Variants in DAPK1 observed in about 807,000 individuals in gnomAD.
The protein encoded by DAPK1 is death associated protein kinase 1.
In DAPK1, 56 loss-of-function variants were observed where a neutral mutation model predicts 144.9. The observed-to-expected ratio is 0.39, with a 90% CI of 0.31 to 0.48. The LOEUF (loss-of-function observed/expected upper bound fraction) is 0.48, where lower values mean the gene tolerates loss of function less well. Among genes scored for constraint, DAPK1 ranks in the 20% least tolerant of loss-of-function variants. DAPK1 has a pLI of 0.95. For synonymous variants in DAPK1, 690 were observed against 749.0 expected (o/e 0.92, Z 1.29); for missense variants, 1,454 against 1,875.4 (o/e 0.78, Z 4.15).
At chr9:87,627,881 A>G (rs1829543088) in intron 3 of DAPK1, among the ~76,000 whole-genome samples, 1 of 152,208 alleles carries the variant, frequency 6.6e-6, no homozygotes, top group Admixed American at 6.5e-5. Context: ...CACCGTTGCC[A>G]TGTGCCAGAT....
chr9:87,686,629 G>A lies in DAPK1; in HGVS notation c.2303G>A (p.Gly768Asp), dbSNP rs773960447. The change falls in exon 21 of 26, where the codon GGT becomes GAT. Residue 768 changes from glycine to aspartate, a missense_variant. This residue lies in a region of DAPK1 where 1,025 missense variants were observed against 1,237.9 expected (regional missense o/e 0.83). Transcript: ENST00000408954. The surrounding 1 kb of genome is among the most constrained non-coding windows in gnomAD (Gnocchi z 4.2). ...AGCCGCAGCATGATGTTCGAGCCGG[G>A]TCTTACCAAAGGGATGCTGGAGGTG... The part of the protein sequence containing the change: ...VRSRSMMFEP[G>D]LTKGMLEVFV... 6.2e-7 allele frequency: 1 copy of A among 1,611,410 alleles called. No homozygotes were observed. The highest frequency in any genetic ancestry group is 1.7e-5 in the Admixed American group (1 of 59,864).
Position 87,657,959 on chromosome 9 carries a change from T to C in DAPK1, c.1825-70T>C, listed in dbSNP as rs1032328554. 6.9e-6 allele frequency: 5 copies of C among 726,192 alleles called. No homozygotes were observed. In the African/African-American group the frequency reaches 8.7e-5, roughly 13 times the overall value. The allele number at this position is 726,192 out of a possible 1,614,324, so 45.0% of individuals were successfully genotyped here. On this transcript the variant is annotated intron_variant, in intron 17 of 25. Transcript: ENST00000408954. ...GGCCCTGACCCCTTCCTTAACCTTG[T>C]GTCTCCGGAATGTCATCCTCAGCAA...
In DAPK1 at chr9:87,523,770, A is replaced by G. The variant is rs80291829; in HGVS notation, c.62+24631A>G. Among the ~76,000 whole-genome samples, 1,023 of 152,250 alleles carry G rather than the reference A, an allele frequency of 6.7e-3. 14 individuals are homozygous for G. Among genetic ancestry groups the G allele is most frequent in the African/African-American group, 0.023 (973 of 41,532 alleles). On this transcript the variant is annotated intron_variant, in intron 2 of 25. Coordinates refer to ENST00000408954, the MANE Select transcript of DAPK1 (RefSeq NM_004938.4). The stretch of plus-strand genomic sequence containing the variant: ...CCCCTCAGTTACCATTTGCTCATCA[A>G]AACATGGTTTGAGGGCTGGCTGGAT...
chr9:87,532,961 A>G, intron 2 of DAPK1, among the ~76,000 whole-genome samples: 1 of 152,184 alleles, frequency 6.6e-6, no homozygotes, highest in East Asian at 1.9e-4. Flanking sequence ...TTTCAACAAT[A>G]GGTTACTTTT....
chr9:87,554,273 T>A (rs1826616841), intron 2 of DAPK1: 1 of 152,234 alleles, frequency 6.6e-6, no homozygotes, highest in East Asian at 1.9e-4. Flanking sequence ...CCAGAGGAAG[T>A]TATTTCTTGA....
At chr9:87,500,502 T>A (rs1273294464) in intron 2 of DAPK1, among the ~76,000 whole-genome samples, 1 of 152,174 alleles carries the variant, frequency 6.6e-6, no homozygotes, top group African/African-American at 2.4e-5. Context: ...AGCAAAAAAA[T>A]AAATTTTAAT....
At position 87,639,915 on chromosome 9, in the gene DAPK1, A is replaced by G. The variant is rs1830038730; in HGVS notation, c.629+100A>G. ...CTGTGTTGATCTCTTCAGCTTATGCATGCTTTTGATGCAAACATATTCATT... is the reference window on the plus strand; with the variant it reads ...CTGTGTTGATCTCTTCAGCTTATGCGTGCTTTTGATGCAAACATATTCATT... On this transcript the variant is annotated intron_variant, in intron 7 of 25. Transcript: ENST00000408954. 4.9e-6 allele frequency: 6 copies of G among 1,231,874 alleles called. 1 individual carries two copies. The highest frequency in any genetic ancestry group is 1.3e-5 in the South Asian group (1 of 74,666). The allele number at this position is 1,231,874 out of a possible 1,614,324, so 76.3% of individuals were successfully genotyped here.
chr9:87,602,840 G>A (rs1828573765), intron 2 of DAPK1, among the ~76,000 whole-genome samples: 1 of 151,950 alleles, frequency 6.6e-6, no homozygotes, highest in South Asian at 2.1e-4. Flanking sequence ...CACCATGTTG[G>A]CCAGGCTGGT....
At chr9:87,548,578 C>T (rs1288423308) in intron 2 of DAPK1, among the ~76,000 whole-genome samples, 1 of 152,234 alleles carries the variant, frequency 6.6e-6, no homozygotes, top group Non-Finnish European at 1.5e-5. Context: ...TCCCCAACAA[C>T]AACTAAATTT....
In DAPK1 at chr9:87,687,302, C is replaced by A. The variant is rs1824898881; in HGVS notation, c.2413+563C>A. The stretch of plus-strand genomic sequence containing the variant: ...CCTCTCCACACACACACACAGCCTT[C>A]CCAGTCTCTGGTATCTATCATTCTA... On this transcript the variant is annotated intron_variant, in intron 21 of 25. Coordinates refer to ENST00000408954, the MANE Select transcript of DAPK1 (RefSeq NM_004938.4). Among the ~76,000 whole-genome samples the A allele has an allele frequency of 4.6e-5, 7 of 152,292 alleles. 1 individual carries two copies. The South Asian group carries it at 1.5e-3, about 32-fold the overall frequency.
At chr9:87,656,554 C>T (rs1476948115) in intron 17 of DAPK1, among the ~76,000 whole-genome samples, 6 of 152,216 alleles carry the variant, frequency 3.9e-5, no homozygotes, top group African/African-American at 2.4e-5. Flanking sequence ...AGCTTAATAT[C>T]TGTTTTCTGC....
intron 14 of DAPK1, chr9:87,648,570 C>CA (rs1830341117): frequency 5.7e-6 from 3 of 525,346 alleles, no homozygotes; most frequent in African/African-American, 3.8e-5. Flanking sequence ...CAGGATGAGC[C>CA]AAGTATGTGG....
At chr9:87,683,454 C>T (rs1381297218) in intron 20 of DAPK1, among the ~76,000 whole-genome samples, 3 of 152,154 alleles carry the variant, frequency 2.0e-5, no homozygotes, top group African/African-American at 7.2e-5. Context: ...GCAGCACGCT[C>T]CTGCTGTGGT....
intron 19 of DAPK1, among the ~76,000 whole-genome samples, chr9:87,679,307 G>A (rs1245721658): frequency 1.3e-5 from 2 of 152,118 alleles, no homozygotes; most frequent in Non-Finnish European, 2.9e-5. Context: ...AGGCAAGACA[G>A]GTTTTGTGGG....
At chr9:87,504,781 T>A (rs1203330539) in intron 2 of DAPK1, among the ~76,000 whole-genome samples, 1 of 152,218 alleles carries the variant, frequency 6.6e-6, no homozygotes, top group Non-Finnish European at 1.5e-5. Flanking sequence ...ACTGATGTAA[T>A]CTTCCCATAT....
At chr9:87,647,432 G>A (rs746104639) in intron 14 of DAPK1, 29 bp downstream of exon 14, 1 of 1,588,664 alleles carries the variant, frequency 6.3e-7, no homozygotes, top group Non-Finnish European at 8.6e-7. Context: ...GGAGGAACAT[G>A]AGGTGGTAGT....
chr9:87,527,243 T>TAA (rs1334903179), intron 2 of DAPK1, among the ~76,000 whole-genome samples: 1 of 152,350 alleles, frequency 6.6e-6, no homozygotes, highest in East Asian at 1.9e-4. Context: ...TATGTGCTCT[T>TAA]GAGCATTGTA....
chr9:87,514,027 C>T (rs577911109), intron 2 of DAPK1, among the ~76,000 whole-genome samples: 1 of 152,226 alleles, frequency 6.6e-6, no homozygotes, highest in African/African-American at 2.4e-5. Flanking sequence ...TTTATGACAG[C>T]CAAAAATGTC....
chr9:87,555,506 AT>A (rs71371248), intron 2 of DAPK1, among the ~76,000 whole-genome samples: 2,408 of 147,938 alleles, frequency 0.016, 48 homozygotes, highest in African/African-American at 0.052. Context: ...TTATTTAGTT[AT>A]TTTTTTTTTT....
Sources: gnomAD v4.1 joint callset for allele counts (sites outside exome capture counted in the v4.1 genomes callset) on GRCh38, gnomAD v4.1.1 for gene constraint, gnomAD v4.1.1 regional missense constraint, Gnocchi (gnomAD v3.1) non-coding constraint, MANE v1.5 for transcripts, NCBI Gene and HGNC (gene_info 2026-07-23, HGNC 2026-07-21) for gene names.